Variants in WRNIP1 observed in about 807,000 individuals in gnomAD.
WRNIP1 encodes the protein ATPase WRNIP1.
Under a neutral mutation model 56.1 loss-of-function variants are expected in WRNIP1, and 41 were observed. That is an observed-to-expected ratio of 0.73 (90% CI 0.57 to 0.95). The LOEUF (loss-of-function observed/expected upper bound fraction) is 0.95, where lower values mean the gene tolerates loss of function less well. Ranked by LOEUF, WRNIP1 falls within the 40% of genes least tolerant of loss-of-function variation. WRNIP1 has a pLI of 0.00. For missense variants in WRNIP1, 1,170 were observed against 939.4 expected (o/e 1.25, Z -3.21); for synonymous variants, 547 against 398.1 (o/e 1.37, Z -4.45).
At chr6:2,783,936 A>G (rs1333492090) in intron 5 of WRNIP1, among the ~76,000 whole-genome samples, 1 of 152,150 alleles carries the variant, frequency 6.6e-6, no homozygotes, top group East Asian at 1.9e-4. Context: ...TAGAAATGGA[A>G]GACTCTAGAC....
intron 3 of WRNIP1, among the ~76,000 whole-genome samples, chr6:2,777,043 G>A (rs34596376): frequency 1.4e-3 from 208 of 152,306 alleles, no homozygotes; most frequent in Non-Finnish European, 2.2e-3. Flanking sequence ...TAGCTGTAAG[G>A]TTGATGGTTG....
intron 2 of WRNIP1, among the ~76,000 whole-genome samples, chr6:2,769,882 T>A (rs376739122): frequency 6.6e-6 from 1 of 152,220 alleles, no homozygotes; most frequent in Non-Finnish European, 1.5e-5. Flanking sequence ...AAGCTATTAG[T>A]CTACCAGCAA....
Position 2,768,768 on chromosome 6 carries a change from C to G in WRNIP1, c.900C>G (p.Ala300=). 6.2e-7 allele frequency: 1 copy of G among 1,613,686 alleles called. No individual in the cohort carries two copies. The highest frequency in any genetic ancestry group is 8.5e-7 in the Non-Finnish European group (1 of 1,179,780). Residue 300 remains alanine, a synonymous_variant, in exon 2 of 7, where the codon GCC becomes GCG. Coordinates refer to ENST00000380773, the MANE Select transcript of WRNIP1 (RefSeq NM_020135.3). Reference sequence around the variant, plus strand: ...TTGTGACATTATCTGCAACAAATGCCAAGACAAATGATGTGCGAGATGTCA... The same window carrying G: ...TTGTGACATTATCTGCAACAAATGCGAAGACAAATGATGTGCGAGATGTCA... ...IRFVTLSATN[A]KTNDVRDVIK...
chr6:2,778,987 A>C (rs931719802), intron 3 of WRNIP1, among the ~76,000 whole-genome samples: 4 of 152,206 alleles, frequency 2.6e-5, no homozygotes, highest in Non-Finnish European at 4.4e-5. Flanking sequence ...TTTCCAGGCC[A>C]GTCAGTGTCT....
At position 2,785,264 on chromosome 6, in the gene WRNIP1, C is replaced by A. The variant is rs767518585; in HGVS notation, c.1980C>A (p.Phe660Leu). ...AAGAGTTGAGGGGGGTAGATTTCTT[C>A]AAGCAGAGGAGGTGCTGACTCCTCA... The part of the protein sequence containing the change: ...LPEELRGVDF[F>L]KQRRC The change falls in exon 7 of 7, where the codon TTC becomes TTA. Residue 660 changes from phenylalanine to leucine, a missense_variant. Transcript: ENST00000380773. The A allele has an allele frequency of 3.7e-6, 6 of 1,613,726 alleles. No homozygotes were observed. The highest frequency in any genetic ancestry group is 5.1e-6 in the Non-Finnish European group (6 of 1,179,886).
intron 2 of WRNIP1, among the ~76,000 whole-genome samples, chr6:2,769,804 C>T (rs1220456348): frequency 6.6e-6 from 1 of 152,108 alleles, no homozygotes; most frequent in Non-Finnish European, 1.5e-5. Context: ...CCAGTTCAGC[C>T]TTTGGTAGAA....
chr6:2,769,008 C>T (rs1420925954), intron 2 of WRNIP1, 126 bp downstream of exon 2: 1 of 880,226 alleles, frequency 1.1e-6, no homozygotes, highest in African/African-American at 1.7e-5. Context: ...CTTGTGAACC[C>T]ATCTCCTTCA....
Position 2,779,479 on chromosome 6 carries a change from A to T in WRNIP1, c.1473A>T (p.Leu491Phe), listed in dbSNP as rs771435301. 6.2e-7 allele frequency: 1 copy of T among 1,613,758 alleles called. No homozygotes were observed. Among genetic ancestry groups the T allele is most frequent in the East Asian group, 2.2e-5 (1 of 44,878 alleles). ...VKEGLQRSHI[L>F]YDRAGEEHYN... ...AGGGCCTACAGCGATCCCACATTTT[A>T]TATGACCGGGCAGGTAAGTAATTCA... Residue 491 changes from leucine (L) to phenylalanine (F), a missense_variant, in exon 4 of 7, where the codon TTA becomes TTT. Leu to Phe is a conservative substitution (Grantham distance 22). Transcript: ENST00000380773.
Position 2,766,335 on chromosome 6 carries a change from A to T in WRNIP1, c.713A>T (p.Asp238Val). 6.2e-7 allele frequency: 1 copy of T among 1,610,836 alleles called. No homozygotes were observed. Among genetic ancestry groups the T allele is most frequent in the Admixed American group, 1.7e-5 (1 of 59,858 alleles). ...ACGATGCGTCCTGACACGCTGCAGG[A>T]TTACTTCGGGCAGAGCAAGGCCGTG... is the stretch of plus-strand genomic sequence containing the variant. ...ADTMRPDTLQ[D>V]YFGQSKAVGQ... Residue 238 changes from aspartate (D) to valine (V), a missense_variant, in exon 1 of 7, where the codon GAT becomes GTT. Asp to Val is a radical substitution (Grantham distance 152). Transcript: ENST00000380773.
intron 1 of WRNIP1, 80 bp downstream of exon 1, chr6:2,766,524 T>G: frequency 7.0e-7 from 1 of 1,420,260 alleles, no homozygotes; most frequent in Non-Finnish European, 9.3e-7. Flanking sequence ...CCGGGTGTGC[T>G]GCCCTCGAAA....
At chr6:2,779,634 T>C (rs2113477646) in intron 4 of WRNIP1, 142 bp downstream of exon 4, 1 of 888,880 alleles carries the variant, frequency 1.1e-6, no homozygotes, top group African/African-American at 1.7e-5. Flanking sequence ...TGGATCTGCA[T>C]GTTGGTATTA....
In WRNIP1 at chr6:2,784,398, T is replaced by C. The variant is rs879047467; in HGVS notation, c.1717T>C (p.Cys573Arg). 1 of 1,613,956 alleles carries C rather than the reference T, an allele frequency of 6.2e-7. No homozygotes were observed. The highest frequency in any genetic ancestry group is 1.3e-5 in the African/African-American group (1 of 74,952). Residue 573 changes from cysteine to arginine, a missense_variant, in exon 6 of 7, where the codon TGT (cysteine) becomes CGT (arginine). Transcript: ENST00000380773. ...QGCHFIGMPECEVLLAQCVVY... is the reference protein window; with the variant it reads ...QGCHFIGMPEREVLLAQCVVY... ...CTGTCATTTTATAGGCATGCCTGAA[T>C]GTGAGGTAAAGTAATCAGCTCATTT...
chr6:2,777,079 G>A (rs1765449795), intron 3 of WRNIP1, among the ~76,000 whole-genome samples: 2 of 149,936 alleles, frequency 1.3e-5, no homozygotes, highest in South Asian at 4.3e-4. Flanking sequence ...CGTAAAGTCA[G>A]CACTTGGCAC....
chr6:2,770,159 CTGAT>C lies in WRNIP1; in HGVS notation c.1057_1060del (p.Ile353GlyfsTer16), dbSNP rs1561909884. On this transcript the variant is annotated frameshift_variant, in exon 3 of 7. Transcript: ENST00000380773. LOFTEE classifies it high-confidence loss of function. ...TCACGTGGAATGTGGGACGATCACTCTGATTGGGGCAACCACTGAAAACCCTTCC... is the reference window on the plus strand; with the variant it reads ...TCACGTGGAATGTGGGACGATCACTCTGGGGCAACCACTGAAAACCCTTCC... The C allele has an allele frequency of 2.5e-6, 4 of 1,614,238 alleles. No individual in the cohort carries two copies. The highest frequency in any genetic ancestry group is 2.2e-5 in the South Asian group (2 of 91,084).
Position 2,779,443 on chromosome 6 carries a change from T to C in WRNIP1, c.1437T>C (p.Asn479=). 1.2e-6 allele frequency: 2 copies of C among 1,614,196 alleles called. No homozygotes were observed. The highest frequency in any genetic ancestry group is 2.2e-5 in the South Asian group (2 of 91,086). Residue 479 remains asparagine (N), a synonymous_variant, in exon 4 of 7, where the codon AAT becomes AAC. Transcript: ENST00000380773. ...YSPSRVLITE[N]DVKEGLQRSH... ...CCAGTAGAGTTCTGATCACAGAGAA[T>C]GACGTGAAGGAGGGCCTACAGCGAT...
chr6:2,774,814 G>C (rs923365311), intron 3 of WRNIP1, among the ~76,000 whole-genome samples: 1 of 152,220 alleles, frequency 6.6e-6, no homozygotes, highest in African/African-American at 2.4e-5. Context: ...CTTTCACTCT[G>C]ATGTTATGGA....
In WRNIP1 at chr6:2,785,435, TC is replaced by T. The variant is rs1322703103; in HGVS notation, c.*154del. On this transcript the variant is annotated 3_prime_UTR_variant, in exon 7 of 7. Transcript: ENST00000380773. ...AGAGTTCCATAGGTGGAGGCGCAGT[TC>T]TTTCGAATAAATGTGTAACTTTGAA... 2.6e-6 allele frequency: 2 copies of T among 778,776 alleles called. No individual in the cohort carries two copies. The highest frequency in any genetic ancestry group is 4.0e-6 in the Non-Finnish European group (2 of 498,170). 48.2% of individuals were successfully genotyped at this position (778,776 alleles called of 1,614,324 possible). A position where few individuals can be genotyped will look rare whatever the true frequency, so the allele number is the denominator to read the frequency against.
chr6:2,765,621 C>G lies in WRNIP1; in HGVS notation c.-2C>G. 6.5e-7 allele frequency: 1 copy of G among 1,527,446 alleles called. No homozygotes were observed. The highest frequency in any genetic ancestry group is 8.7e-7 in the Non-Finnish European group (1 of 1,146,018). The allele number at this position is 1,527,446 out of a possible 1,614,324, so 94.6% of individuals were successfully genotyped here. A position where few individuals can be genotyped will look rare whatever the true frequency, so the allele number is the denominator to read the frequency against. On this transcript the variant is annotated 5_prime_UTR_variant, in exon 1 of 7. Transcript: ENST00000380773. ...CGGGCGCCGGGGAGGGCGGCGGCCG[C>G]CATGGAGGTGAGCGGGCCGGAAGAC...
At chr6:2,775,905 G>C (rs1445332197) in intron 3 of WRNIP1, among the ~76,000 whole-genome samples, 2 of 152,160 alleles carry the variant, frequency 1.3e-5, no homozygotes, top group Admixed American at 1.3e-4. Flanking sequence ...AGGATGTTAT[G>C]ACATTTTGGG....
Sources: allele counts gnomAD v4.1 joint callset (sites outside exome capture counted in the v4.1 genomes callset), GRCh38; gene constraint gnomAD v4.1.1; transcripts MANE v1.5; gene names NCBI Gene and HGNC (gene_info 2026-07-23, HGNC 2026-07-21).